The following CLN5 variants were observed in gnomAD, a reference collection of about 807,000 sequenced individuals.
CLN5 encodes the protein CLN5 lysosomal BMP synthase.
In CLN5, 34 loss-of-function variants were observed where a neutral mutation model predicts 36.7. That is an observed-to-expected ratio of 0.93 (90% CI 0.71 to 1.23). CLN5 has a LOEUF of 1.23. CLN5 is among the 50% of genes most tolerant of loss of function. The pLI, the probability that CLN5 is intolerant of heterozygous loss-of-function variation, is 0.00. For synonymous variants in CLN5, 151 were observed against 155.1 expected (o/e 0.97, Z 0.20); for missense variants, 427 against 439.4 (o/e 0.97, Z 0.25).
chr13:76,995,140 C>T lies in CLN5; in HGVS notation c.251C>T (p.Pro84Leu), dbSNP rs201967273. The change falls in exon 2 of 4, where the codon CCA becomes CTA. Residue 84 changes from proline (P) to leucine (L), a missense_variant. Physicochemically the swap from Pro to Leu is moderately conservative, Grantham distance 98. Transcript: ENST00000377453. Reference protein sequence around the residue: ...YTFCPTGSPIPVMEGDDDIEV... With the variant: ...YTFCPTGSPILVMEGDDDIEV... ...TTCTGTCCAACTGGCTCACCTATCC[C>T]AGTTATGGAGGGTGATGATGACATT... 3 of 1,614,076 alleles carry T rather than the reference C, an allele frequency of 1.9e-6. No individual in the cohort carries two copies. The highest frequency in any genetic ancestry group is 3.3e-5 in the Admixed American group (2 of 60,020).
intron 3 of CLN5, chr13:76,999,238 A>G (rs1231661813): frequency 6.6e-6 from 1 of 152,214 alleles, no homozygotes; most frequent in Non-Finnish European, 1.5e-5. Flanking sequence ...TGAAGTATTT[A>G]TTTTATGGAC....
chr13:76,995,725 G>C (rs1477130616), intron 2 of CLN5, 177 bp from the exon 3 acceptor site: 4 of 664,008 alleles, frequency 6.0e-6, no homozygotes, highest in Non-Finnish European at 1.1e-5. Context: ...AGCTGGGGTG[G>C]ATGAGGGCCT....
At chr13:77,000,424 C>A in intron 3 of CLN5, 34 bp from the exon 4 acceptor site, 1 of 1,572,936 alleles carries the variant, frequency 6.4e-7, no homozygotes, top group South Asian at 1.1e-5. Context: ...TAGCTTTGTT[C>A]ACTAGGTGAC....
chr13:77,001,416 T>C lies in CLN5; in HGVS notation c.*447T>C, dbSNP rs1158902170. On this transcript the variant is annotated 3_prime_UTR_variant, in exon 4 of 4. Coordinates refer to ENST00000377453, the MANE Select transcript of CLN5 (RefSeq NM_006493.4). ...CTTTAGTTTAGACTAACTTTACAAC[T>C]TCTATAACTTTTGGAACCAAGTTTA... 1 of 158,720 alleles carries C rather than the reference T, an allele frequency of 6.3e-6. No homozygotes were observed. The highest frequency in any genetic ancestry group is 1.9e-4 in the East Asian group (1 of 5,366). 9.8% of individuals were successfully genotyped at this position (158,720 alleles called of 1,614,324 possible). A position where few individuals can be genotyped will look rare whatever the true frequency, so the allele number is the denominator to read the frequency against.
intron 1 of CLN5, chr13:76,994,780 T>C: frequency 2.8e-6 from 1 of 358,380 alleles, no homozygotes; most frequent in South Asian, 3.5e-5. Context: ...TACTATGATC[T>C]GGAGCTATAA....
intron 3 of CLN5, 103 bp from the exon 4 acceptor site, chr13:77,000,355 A>T: frequency 9.4e-7 from 1 of 1,064,268 alleles, no homozygotes; most frequent in Non-Finnish European, 1.3e-6. Flanking sequence ...ACCGCACTCT[A>T]GCCTCGGCAA....
chr13:76,992,177 T>C lies in CLN5; in HGVS notation c.79T>C (p.Cys27Arg). 1.9e-6 allele frequency: 3 copies of C among 1,605,558 alleles called. No homozygotes were observed. Among genetic ancestry groups the C allele is most frequent in the Non-Finnish European group, 2.5e-6 (3 of 1,178,050 alleles). Residue 27 changes from cysteine to arginine, a missense_variant, in exon 1 of 4, where the codon TGC (cysteine) becomes CGC (arginine). Cys to Arg is a radical substitution (Grantham distance 180). Coordinates refer to ENST00000377453, the MANE Select transcript of CLN5 (RefSeq NM_006493.4). ...CGCGGCTCGGGGACGCGCTTCCTGG[T>C]GCTGGGCCCTGGCGCTGCTTTGGCT... ...AGAARGRASW[C>R]WALALLWLAV...
chr13:76,992,180 T>G lies in CLN5; in HGVS notation c.82T>G (p.Trp28Gly). ...GGCTCGGGGACGCGCTTCCTGGTGC[T>G]GGGCCCTGGCGCTGCTTTGGCTCGC... ...GAARGRASWCWALALLWLAVV... is the reference protein window; with the variant it reads ...GAARGRASWCGALALLWLAVV... Residue 28 changes from tryptophan to glycine, a missense_variant, in exon 1 of 4, where the codon TGG becomes GGG. Transcript: ENST00000377453. The G allele has an allele frequency of 1.2e-6, 2 of 1,605,638 alleles. No individual in the cohort carries two copies. Among genetic ancestry groups the G allele is most frequent in the Non-Finnish European group, 1.7e-6 (2 of 1,178,066 alleles).
Position 76,995,163 on chromosome 13 carries a change from A to G in CLN5, c.274A>G (p.Ile92Val). 1 of 1,614,140 alleles carries G rather than the reference A, an allele frequency of 6.2e-7. No individual in the cohort carries two copies. The highest frequency in any genetic ancestry group is 8.5e-7 in the Non-Finnish European group (1 of 1,179,988). ...CCCAGTTATGGAGGGTGATGATGAC[A>G]TTGAAGTTTTTCGATTACAAGCCCC... The part of the protein sequence containing the change: ...PIPVMEGDDD[I>V]EVFRLQAPVW... Residue 92 changes from isoleucine to valine, a missense_variant, in exon 2 of 4, where the codon ATT (isoleucine) becomes GTT (valine). Physicochemically the swap from Ile to Val is conservative, Grantham distance 29 (BLOSUM62 3). Transcript: ENST00000377453.
chr13:76,995,436 A>G, intron 2 of CLN5: 1 of 588,452 alleles, frequency 1.7e-6, no homozygotes, highest in Non-Finnish European at 3.0e-6. Context: ...ATCCATTGTA[A>G]TATTATGAAT....
chr13:76,994,288 G>C (rs1176625408), intron 1 of CLN5: 1 of 152,124 alleles, frequency 6.6e-6, no homozygotes, highest in African/African-American at 2.4e-5. Context: ...ACCTACCGGA[G>C]ACCAAATGTG....
intron 3 of CLN5, chr13:76,999,282 G>C (rs2034318801): frequency 6.6e-6 from 1 of 152,220 alleles, no homozygotes; most frequent in Non-Finnish European, 1.5e-5. Flanking sequence ...TTTGCACACA[G>C]TGACAGGATG....
In CLN5 at chr13:77,000,730, G is replaced by T. The variant is rs768449493; in HGVS notation, c.838G>T (p.Gly280Ter). 4.3e-6 allele frequency: 7 copies of T among 1,613,970 alleles called. No homozygotes were observed. The African/African-American group carries it at 9.3e-5, about 22-fold the overall frequency. Residue 280 changes from glycine to a stop codon, truncating the protein, a stop_gained, in exon 4 of 4, where the codon GGA becomes TGA. Coordinates refer to ENST00000377453, the MANE Select transcript of CLN5 (RefSeq NM_006493.4). LOFTEE classifies it high-confidence loss of function. ...GNETSVFGPTGNKTLGLAIKR... is the reference protein window; with the variant it reads ...GNETSVFGPT ...TGAAACATCTGTTTTTGGGCCAACA[G>T]GAAACAAGACTCTTGGTTTAGCCAT...
At position 77,000,759 on chromosome 13, in the gene CLN5, AAGATTTTATT is replaced by A; in HGVS notation, c.869_878del (p.Arg290ThrfsTer14). 6.2e-7 allele frequency: 1 copy of A among 1,614,082 alleles called. No homozygotes were observed. Among genetic ancestry groups the A allele is most frequent in the Non-Finnish European group, 8.5e-7 (1 of 1,179,978 alleles). On this transcript the variant is annotated frameshift_variant, in exon 4 of 4. Coordinates refer to ENST00000377453, the MANE Select transcript of CLN5 (RefSeq NM_006493.4). LOFTEE classifies it high-confidence loss of function. ...ACAAGACTCTTGGTTTAGCCATAAA[AAGATTTTATT>A]ACCCCTTCAAACCACATTTGCCAAC...
intron 3 of CLN5, chr13:76,997,545 T>C (rs2034289906): frequency 6.6e-6 from 1 of 152,252 alleles, no homozygotes; most frequent in Non-Finnish European, 1.5e-5. Context: ...ATTGCAAAGA[T>C]TTTCTCCCAC....
chr13:76,996,048 C>T lies in CLN5; in HGVS notation c.486C>T (p.Gly162=), dbSNP rs769007858. The change falls in exon 3 of 4, where the codon GGC becomes GGT. Residue 162 remains glycine, a synonymous_variant. Transcript: ENST00000377453. ...ATGCCCCTTTCTGGTGTAATCAAGGCGCTGCCTGCTTTTTTGAGGGAATTG... is the reference window on the plus strand; with the variant it reads ...ATGCCCCTTTCTGGTGTAATCAAGGTGCTGCCTGCTTTTTTGAGGGAATTG... ...EMDAPFWCNQ[G]AACFFEGIDD... 2.3e-5 allele frequency: 37 copies of T among 1,614,038 alleles called. No individual in the cohort carries two copies. Among genetic ancestry groups the T allele is most frequent in the African/African-American group, 1.2e-4 (9 of 74,920 alleles).
chr13:76,993,915 A>G (rs2034221647), intron 1 of CLN5: 1 of 152,146 alleles, frequency 6.6e-6, no homozygotes, highest in South Asian at 2.1e-4. Flanking sequence ...TTTCTTTCCC[A>G]GTGCCAGATT....
chr13:76,996,693 C>T (rs1020699303), intron 3 of CLN5: 1 of 154,144 alleles, frequency 6.5e-6, no homozygotes, highest in African/African-American at 2.4e-5. Flanking sequence ...TCTTTATCCA[C>T]TCATTGATTG....
chr13:77,000,765 T>A lies in CLN5; in HGVS notation c.873T>A (p.Phe291Leu). ...CTCTTGGTTTAGCCATAAAAAGATT[T>A]TATTACCCCTTCAAACCACATTTGC... The part of the protein sequence containing the change: ...NKTLGLAIKR[F>L]YYPFKPHLPT... Residue 291 changes from phenylalanine (F) to leucine (L), a missense_variant, in exon 4 of 4, where the codon TTT (phenylalanine) becomes TTA (leucine). Physicochemically the swap from Phe to Leu is conservative, Grantham distance 22. Transcript: ENST00000377453. The A allele has an allele frequency of 6.2e-7, 1 of 1,614,002 alleles. No individual in the cohort carries two copies. Among genetic ancestry groups the A allele is most frequent in the Non-Finnish European group, 8.5e-7 (1 of 1,179,984 alleles).
Sources: allele counts gnomAD v4.1 joint callset, GRCh38; gene constraint gnomAD v4.1.1; transcripts MANE v1.5; gene names NCBI Gene and HGNC (gene_info 2026-07-23, HGNC 2026-07-21).